LIPK: variants seen among roughly 807,000 people sequenced by gnomAD.
LIPK encodes the protein lipase member K.
LIPK carries 32 observed loss-of-function variants against 48.6 expected under a neutral mutation model. The observed-to-expected ratio is 0.66, with a 90% CI of 0.50 to 0.88. The LOEUF is 0.88. Among genes scored for constraint, LIPK ranks in the 40% least tolerant of loss-of-function variants. The probability of loss-of-function intolerance (pLI) is 0.00; values close to 1 mark genes in which losing one functional copy is unlikely to be tolerated. For synonymous variants in LIPK, 164 were observed against 157.4 expected, an observed-to-expected ratio of 1.04 and a Z score of -0.32; for missense variants, 507 against 478.5, an observed-to-expected ratio of 1.06 and a Z score of -0.56.
chr10:88,720,708 G>A (rs1451736930), intron 1 of LIPK, among the ~76,000 whole-genome samples: 1 of 76,384 alleles, frequency 1.3e-5, no homozygotes, highest in East Asian at 7.9e-4. Context: ...ATCCAAGCAA[G>A]TTTTATGCAC....
intron 1 of LIPK, among the ~76,000 whole-genome samples, chr10:88,722,051 A>C (rs1842235247): frequency 6.6e-6 from 1 of 152,200 alleles, no homozygotes; most frequent in Admixed American, 6.5e-5. Context: ...TAATCCCAGC[A>C]CTTTGGGAGG....
chr10:88,726,806 T>G lies in LIPK; in HGVS notation c.117T>G (p.Ile39Met), dbSNP rs773547248. 3 of 1,564,902 alleles carry G rather than the reference T, an allele frequency of 1.9e-6. No individual in the cohort carries two copies. In the East Asian group the frequency reaches 6.7e-5, roughly 35 times the overall value. Reference protein sequence around the residue: ...PEANMNISQIISYWGYPYEEY... With the variant: ...PEANMNISQIMSYWGYPYEEY... ...TTTCCTCTTTTTAGAGCCAGATTAT[T>G]TCTTACTGGGGTTATCCTTATGAAG... The change falls in exon 3 of 10, where the codon ATT becomes ATG. Residue 39 changes from isoleucine (I) to methionine (M), a missense_variant. Physicochemically the swap from Ile to Met is conservative, Grantham distance 10. Transcript: ENST00000404190.
chr10:88,736,192 G>A (rs1842568378), intron 6 of LIPK, among the ~76,000 whole-genome samples: 1 of 148,012 alleles, frequency 6.8e-6, no homozygotes, highest in Non-Finnish European at 1.5e-5. Context: ...AGAAGGAAGA[G>A]GAGGAGGAAG....
chr10:88,750,016 C>T (rs1842837712), intron 9 of LIPK, among the ~76,000 whole-genome samples: 1 of 152,212 alleles, frequency 6.6e-6, no homozygotes, highest in Non-Finnish European at 1.5e-5. Context: ...AAACACTTCT[C>T]AAAAGAAGAC....
At chr10:88,722,889 C>CTTTTTCTTTT (rs1554954606) in intron 1 of LIPK, among the ~76,000 whole-genome samples, 3 of 113,172 alleles carry the variant, frequency 2.7e-5, no homozygotes, top group East Asian at 2.9e-4. Context: ...TTTCTTTTTT[C>CTTTTTCTTTT]TTTTTTTTTT....
At chr10:88,724,770 C>T (rs183008523) in intron 2 of LIPK, 122 bp downstream of exon 2, 5 of 650,858 alleles carry the variant, frequency 7.7e-6, no homozygotes, top group Non-Finnish European at 1.3e-5. Flanking sequence ...GTCTGTGCTT[C>T]CTCTCCTGTT....
intron 9 of LIPK, among the ~76,000 whole-genome samples, chr10:88,750,818 G>A (rs1384711715): frequency 1.3e-5 from 2 of 151,894 alleles, no homozygotes; most frequent in Admixed American, 6.6e-5. Context: ...GTTGGAAGGG[G>A]AAAAAAATCA....
intron 6 of LIPK, among the ~76,000 whole-genome samples, chr10:88,737,154 T>A (rs566456557): frequency 6.6e-6 from 1 of 152,288 alleles, no homozygotes; most frequent in East Asian, 1.9e-4. Context: ...AATAATTACA[T>A]TAATTTATAC....
chr10:88,732,284 A>G lies in LIPK; in HGVS notation c.529A>G (p.Ile177Val). The change falls in exon 5 of 10, where the codon ATA (isoleucine) becomes GTA (valine). Residue 177 changes from isoleucine to valine, a missense_variant. Ile to Val is a conservative substitution (Grantham distance 29). Coordinates refer to ENST00000404190, the MANE Select transcript of LIPK (RefSeq NM_001080518.2). ...YYVGHSQGTT[I>V]AFIAFSTNPE... is the part of the protein sequence containing the mutation. ...CGTGGGCCACTCACAAGGCACCACC[A>G]TAGGTGTGTTTGGGGCAGATGTGAT... The G allele has an allele frequency of 6.2e-7, 1 of 1,613,078 alleles. No homozygotes were observed. The highest frequency in any genetic ancestry group is 8.5e-7 in the Non-Finnish European group (1 of 1,179,432).
At chr10:88,725,767 T>G (rs1311136772) in intron 2 of LIPK, among the ~76,000 whole-genome samples, 1 of 152,180 alleles carries the variant, frequency 6.6e-6, no homozygotes, top group Non-Finnish European at 1.5e-5. Flanking sequence ...AATCACTAAT[T>G]CCCCTCTTCT....
At chr10:88,746,728 C>G (rs1282643938) in intron 9 of LIPK, among the ~76,000 whole-genome samples, 1 of 152,046 alleles carries the variant, frequency 6.6e-6, no homozygotes, top group East Asian at 1.9e-4. Context: ...CAAGAGCAAA[C>G]CAACTCCAGA....
Position 88,737,635 on chromosome 10 carries a change from G to A in LIPK, c.670G>A (p.Val224Met). The change falls in exon 7 of 10, where the codon GTG (valine) becomes ATG (methionine). Residue 224 changes from valine to methionine, a missense_variant and splice_region_variant. By Grantham distance (21) the Val-to-Met change is conservative. Coordinates refer to ENST00000404190, the MANE Select transcript of LIPK (RefSeq NM_001080518.2). ...LTTLSRRVVK[V>M]LFGDKMFHPH... is the part of the protein sequence containing the mutation. ...GATGGTGTTTTAAATTATCTTGTAG[G>A]TGTTGTTTGGTGACAAAATGTTCCA... 1 of 1,613,284 alleles carries A rather than the reference G, an allele frequency of 6.2e-7. No homozygotes were observed. Among genetic ancestry groups the A allele is most frequent in the Non-Finnish European group, 8.5e-7 (1 of 1,179,518 alleles).
At chr10:88,725,061 G>A (rs1262344146) in intron 2 of LIPK, among the ~76,000 whole-genome samples, 5 of 152,128 alleles carry the variant, frequency 3.3e-5, no homozygotes, top group African/African-American at 7.2e-5. Context: ...TAACATTCAG[G>A]AATTCATATC....
intron 8 of LIPK, among the ~76,000 whole-genome samples, chr10:88,740,305 G>T (rs1047361598): frequency 6.6e-6 from 1 of 152,186 alleles, no homozygotes; most frequent in African/African-American, 2.4e-5. Context: ...ATCCTTAGAT[G>T]ATTCCAAACT....
At chr10:88,720,796 A>G (rs901333800) in intron 1 of LIPK, among the ~76,000 whole-genome samples, 2 of 152,150 alleles carry the variant, frequency 1.3e-5, no homozygotes, top group African/African-American at 2.4e-5. Flanking sequence ...AGTTGAACAT[A>G]TATTTGCCCA....
At chr10:88,725,358 T>G (rs1842316563) in intron 2 of LIPK, among the ~76,000 whole-genome samples, 1 of 152,222 alleles carries the variant, frequency 6.6e-6, no homozygotes, top group Admixed American at 6.5e-5. Flanking sequence ...GCATGAGGGA[T>G]TTTTAGCTTT....
chr10:88,730,299 T>C (rs1009536941), intron 3 of LIPK, among the ~76,000 whole-genome samples: 1 of 152,210 alleles, frequency 6.6e-6, no homozygotes, highest in Non-Finnish European at 1.5e-5. Flanking sequence ...TTTTGTTTTA[T>C]TTTGTTTTGA....
chr10:88,748,553 G>T (rs1023345947), intron 9 of LIPK, among the ~76,000 whole-genome samples: 18 of 151,036 alleles, frequency 1.2e-4, no homozygotes, highest in African/African-American at 4.4e-4. Context: ...GGAGGCAGAG[G>T]TTGCAGTGGG....
chr10:88,738,713 T>C (rs1360695462), intron 7 of LIPK, among the ~76,000 whole-genome samples: 4 of 151,980 alleles, frequency 2.6e-5, no homozygotes, highest in Admixed American at 2.6e-4. Flanking sequence ...AGCCTAAGAG[T>C]TTGCTAAAGA....
Sources: gnomAD v4.1 joint callset for allele counts (sites outside exome capture counted in the v4.1 genomes callset) on GRCh38, gnomAD v4.1.1 for gene constraint, MANE v1.5 for transcripts, NCBI Gene and HGNC (gene_info 2026-07-23, HGNC 2026-07-21) for gene names.